Variants in SLTM observed in about 807,000 individuals in gnomAD.
SLTM encodes SAFB like transcription modulator.
SLTM carries 43 observed loss-of-function variants against 134.6 expected under a neutral mutation model. The ratio of observed to expected loss-of-function variants is 0.32; its 90% CI spans 0.25 to 0.41. SLTM has a LOEUF of 0.41. Among genes scored for constraint, SLTM ranks in the 10% least tolerant of loss-of-function variants. The pLI is 1.00. For missense variants in SLTM, 1,055 were observed against 1,288.8 expected, an observed-to-expected ratio of 0.82 and a Z score of 2.78; for synonymous variants, 424 against 432.3, an observed-to-expected ratio of 0.98 and a Z score of 0.24.
chr15:58,930,240 A>G (rs1460973495), intron 2 of SLTM, among the ~76,000 whole-genome samples: 1 of 149,894 alleles, frequency 6.7e-6, no homozygotes, highest in Non-Finnish European at 1.5e-5. Context: ...CAGCCTCCCG[A>G]GTAGCTGGGA....
intron 5 of SLTM, among the ~76,000 whole-genome samples, chr15:58,910,397 G>C (rs1017560035): frequency 6.6e-6 from 1 of 152,126 alleles, no homozygotes; most frequent in Non-Finnish European, 1.5e-5. Context: ...TATTTAGAAA[G>C]AGGAAAAAGG....
rs566090703 is a variant in SLTM at position 58,928,112 on chromosome 15, C to T, written c.250+4244G>A. On this transcript the variant is annotated intron_variant, in intron 2 of 20. Coordinates refer to ENST00000380516, the MANE Select transcript of SLTM (RefSeq NM_024755.4). ...GTCTTTTTAAAGCTGCCAGGTATTG[C>T]AAATTAGTTTTAATGTCGGTAAGTA... Among the ~76,000 whole-genome samples the T allele has an allele frequency of 5.3e-5, 8 of 152,220 alleles. No homozygotes were observed. In the South Asian group the frequency reaches 8.3e-4, roughly 16 times the overall value.
At chr15:58,902,425 C>T (rs887787211) in intron 5 of SLTM, among the ~76,000 whole-genome samples, 1 of 148,228 alleles carries the variant, frequency 6.7e-6, no homozygotes, top group Non-Finnish European at 1.5e-5. Flanking sequence ...CTTACTCTGT[C>T]GTCCAGGCTA....
chr15:58,903,669 CTAAAACT>C (rs2035651601), intron 5 of SLTM, among the ~76,000 whole-genome samples: 1 of 150,768 alleles, frequency 6.6e-6, no homozygotes, highest in Non-Finnish European at 1.5e-5. Context: ...CACATGTACC[CTAAAACT>C]TAAAGTATAA....
chr15:58,898,414 T>TATTA (rs1595867602), intron 8 of SLTM: 1 of 156,170 alleles, frequency 6.4e-6, no homozygotes, highest in Non-Finnish European at 1.4e-5. Context: ...TACACACAAG[T>TATTA]ATTATTTAAA....
rs1470488862 is a variant in SLTM at position 58,879,597 on chromosome 15, T to C, written c.*402A>G. On this transcript the variant is annotated 3_prime_UTR_variant, in exon 21 of 21. Transcript: ENST00000380516. ...TTAGACAGCTAAGACTTCTTAAGTGTAGACAGCCTTCAAAATGGAGGCTGA... is the reference window on the plus strand; with the variant it reads ...TTAGACAGCTAAGACTTCTTAAGTGCAGACAGCCTTCAAAATGGAGGCTGA... 6.3e-6 allele frequency: 1 copy of C among 158,118 alleles called. No homozygotes were observed. The highest frequency in any genetic ancestry group is 1.4e-5 in the Non-Finnish European group (1 of 71,804). 9.8% of individuals were successfully genotyped at this position (158,118 alleles called of 1,614,324 possible).
At chr15:58,920,159 T>C (rs1160515070) in intron 2 of SLTM, among the ~76,000 whole-genome samples, 2 of 151,026 alleles carry the variant, frequency 1.3e-5, no homozygotes, top group African/African-American at 2.4e-5. Context: ...TACTAAAAAA[T>C]ACAAAAAAGT....
Position 58,933,663 on chromosome 15 carries a change from G to T in SLTM, c.-98C>A. 3 of 1,345,956 alleles carry T rather than the reference G, an allele frequency of 2.2e-6. No homozygotes were observed. Among genetic ancestry groups the T allele is most frequent in the Non-Finnish European group, 1.9e-6 (2 of 1,052,776 alleles). 83.4% of individuals were successfully genotyped at this position (1,345,956 alleles called of 1,614,324 possible). A position where few individuals can be genotyped will look rare whatever the true frequency, so the allele number is the denominator to read the frequency against. Reference sequence around the variant, plus strand: ...AGGCCTCGGCGGCCGCCGGCGCCGCGCAGCGCTGCGCACAATGAGCCGCTG... The same window carrying T: ...AGGCCTCGGCGGCCGCCGGCGCCGCTCAGCGCTGCGCACAATGAGCCGCTG... On this transcript the variant is annotated 5_prime_UTR_variant, in exon 1 of 21. Transcript: ENST00000380516.
At chr15:58,904,779 C>T (rs1288339931) in intron 5 of SLTM, among the ~76,000 whole-genome samples, 17 of 151,976 alleles carry the variant, frequency 1.1e-4, no homozygotes, top group African/African-American at 3.1e-4. Flanking sequence ...GGTGCGATCT[C>T]GGCTAACTGA....
At chr15:58,890,669 G>A (rs148746477) in intron 14 of SLTM, among the ~76,000 whole-genome samples, 465 of 152,248 alleles carry the variant, frequency 3.1e-3, no homozygotes, top group Non-Finnish European at 4.6e-3. Flanking sequence ...ACTGTCAACT[G>A]AGCAGCTAAA....
At position 58,899,501 on chromosome 15, in the gene SLTM, G is replaced by C; in HGVS notation, c.1026C>G (p.Pro342=). 1 of 1,614,012 alleles carries C rather than the reference G, an allele frequency of 6.2e-7. No individual in the cohort carries two copies. Among genetic ancestry groups the C allele is most frequent in the South Asian group, 1.1e-5 (1 of 91,080 alleles). ...DKEKDTLKKG[P]SSTGASGQAK... ...CTTGACCAGAGGCCCCAGTAGACGA[G>C]GGCCCTTTCTTCAAAGTATCCTTTT... is the stretch of plus-strand genomic sequence containing the variant. The change falls in exon 7 of 21, where the codon CCC becomes CCG. Residue 342 remains proline (P), a synonymous_variant. Coordinates refer to ENST00000380516, the MANE Select transcript of SLTM (RefSeq NM_024755.4). The surrounding 1 kb of genome is among the most constrained non-coding windows in gnomAD (Gnocchi z 5.0).
At chr15:58,886,061 C>T (rs2034158365) in intron 19 of SLTM, among the ~76,000 whole-genome samples, 1 of 152,050 alleles carries the variant, frequency 6.6e-6, no homozygotes, top group African/African-American at 2.4e-5. Context: ...CATTAACTTA[C>T]AAAATATTCA....
intron 19 of SLTM, among the ~76,000 whole-genome samples, chr15:58,885,326 A>G (rs1444602917): frequency 1.3e-5 from 2 of 152,256 alleles, no homozygotes; most frequent in Non-Finnish European, 2.9e-5. Flanking sequence ...TAATACTGGC[A>G]GAACAATTTA....
chr15:58,894,389 C>T, intron 10 of SLTM, 44 bp downstream of exon 10: 1 of 1,605,506 alleles, frequency 6.2e-7, no homozygotes, highest in Non-Finnish European at 8.5e-7. Context: ...TGAGAACTAG[C>T]CATCAAATTA....
chr15:58,901,406 C>A, intron 5 of SLTM, 119 bp from the exon 6 acceptor site: 1 of 759,224 alleles, frequency 1.3e-6, no homozygotes, highest in Non-Finnish European at 2.2e-6. Flanking sequence ...TTTAGGGATA[C>A]CTAACACTAA....
At position 58,879,923 on chromosome 15, in the gene SLTM, CTCTTCATAAGTAGTCA is replaced by C. The variant is rs2033557979; in HGVS notation, c.*60_*75del. The C allele has an allele frequency of 6.6e-7, 1 of 1,514,906 alleles. No individual in the cohort carries two copies. The highest frequency in any genetic ancestry group is 2.3e-5 in the East Asian group (1 of 42,894). 93.8% of individuals were successfully genotyped at this position (1,514,906 alleles called of 1,614,324 possible). On this transcript the variant is annotated 3_prime_UTR_variant, in exon 21 of 21. Coordinates refer to ENST00000380516, the MANE Select transcript of SLTM (RefSeq NM_024755.4). ...AGAACTCTCAAGCAAGTCAGAGGTCCTCTTCATAAGTAGTCAAGTAAAGTTTACAGGAGATTTCAAT... is the reference window on the plus strand; with the variant it reads ...AGAACTCTCAAGCAAGTCAGAGGTCCAGTAAAGTTTACAGGAGATTTCAAT...
chr15:58,903,690 TA>T (rs1428632590), intron 5 of SLTM, among the ~76,000 whole-genome samples: 1 of 149,056 alleles, frequency 6.7e-6, no homozygotes, highest in African/African-American at 2.5e-5. Context: ...AGTATAATAA[TA>T]ATAATAATAA....
chr15:58,885,335 TAC>T (rs2034092109), intron 19 of SLTM, among the ~76,000 whole-genome samples: 1 of 152,130 alleles, frequency 6.6e-6, no homozygotes, highest in Admixed American at 6.5e-5. Context: ...CAGAACAATT[TAC>T]AGACTAACAT....
intron 5 of SLTM, among the ~76,000 whole-genome samples, chr15:58,910,982 G>GA (rs542656169): frequency 7.9e-5 from 12 of 152,074 alleles, no homozygotes; most frequent in African/African-American, 2.7e-4. Context: ...CTGACCTTGT[G>GA]ATCTGCCTGC....
Sources: allele counts gnomAD v4.1 joint callset (sites outside exome capture counted in the v4.1 genomes callset), GRCh38; gene constraint gnomAD v4.1.1; non-coding constraint Gnocchi (gnomAD v3.1); transcripts MANE v1.5; gene names NCBI Gene and HGNC (gene_info 2026-07-23, HGNC 2026-07-21).